The following NSUN7 variants were observed in gnomAD, a reference collection of about 807,000 sequenced individuals.
NSUN7 encodes protein NSUN7.
NSUN7 carries 39 observed loss-of-function variants against 58.5 expected under a neutral mutation model. The ratio of observed to expected loss-of-function variants is 0.67; its 90% CI spans 0.52 to 0.87. The LOEUF is 0.87. Ranked by LOEUF, NSUN7 falls within the 40% of genes least tolerant of loss-of-function variation. The pLI is 0.00. For missense variants in NSUN7, 765 were observed against 844.1 expected, an observed-to-expected ratio of 0.91 and a Z score of 1.16; for synonymous variants, 278 against 303.7, an observed-to-expected ratio of 0.92 and a Z score of 0.88.
chr4:40,793,635 G>A (rs1743196658), intron 8 of NSUN7, among the ~76,000 whole-genome samples: 1 of 152,164 alleles, frequency 6.6e-6, no homozygotes, highest in Non-Finnish European at 1.5e-5. Context: ...ATAATACAGA[G>A]TTTAAAAATT....
chr4:40,796,277 T>A (rs1009236904), intron 9 of NSUN7, among the ~76,000 whole-genome samples: 6 of 152,066 alleles, frequency 3.9e-5, no homozygotes, highest in Non-Finnish European at 7.4e-5. Context: ...TCACTTGTTA[T>A]AGTGAGCTGA....
chr4:40,768,647 G>T lies in NSUN7; in HGVS notation c.489-5618G>T, dbSNP rs547646953. On this transcript the variant is annotated intron_variant, in intron 4 of 11. Coordinates refer to ENST00000381782, the MANE Select transcript of NSUN7 (RefSeq NM_024677.6). ...CTCTTATACCCCTAAGCACCAACAT[G>T]TATCTTTTTCTTCACTTATTCGTGG... is the stretch of plus-strand genomic sequence containing the variant. 2.2e-4 allele frequency among the ~76,000 whole-genome samples: 33 copies of T among 152,230 alleles called. 1 individual carries two copies. Among genetic ancestry groups the T allele is most frequent in the Admixed American group, 3.9e-4 (6 of 15,288 alleles).
At chr4:40,806,542 T>C (rs541605180) in intron 10 of NSUN7, among the ~76,000 whole-genome samples, 62 of 152,176 alleles carry the variant, frequency 4.1e-4, no homozygotes, top group Non-Finnish European at 7.4e-4. Flanking sequence ...TGTACTTTCT[T>C]GAACACTATG....
chr4:40,757,725 TAC>T (rs33941131), intron 2 of NSUN7, among the ~76,000 whole-genome samples: 18,736 of 142,324 alleles, frequency 0.13, 1,353 homozygotes, highest in South Asian at 0.18. Context: ...TGTGTATATA[TAC>T]ACACACACAC....
At chr4:40,800,713 T>G (rs1743544615) in intron 10 of NSUN7, among the ~76,000 whole-genome samples, 1 of 152,250 alleles carries the variant, frequency 6.6e-6, no homozygotes, top group Non-Finnish European at 1.5e-5. Context: ...CATCGTAAGT[T>G]TAAATAGCTG....
intron 9 of NSUN7, among the ~76,000 whole-genome samples, chr4:40,795,078 G>T (rs538068569): frequency 6.6e-6 from 1 of 152,100 alleles, no homozygotes; most frequent in South Asian, 2.1e-4. Context: ...TATTAATTCC[G>T]TATATATTTA....
chr4:40,780,858 C>T (rs1222114276), intron 7 of NSUN7, among the ~76,000 whole-genome samples: 1 of 127,484 alleles, frequency 7.8e-6, no homozygotes, highest in African/African-American at 3.0e-5. Context: ...CTCGCTCTGT[C>T]GCCCAGGCTG....
chr4:40,762,733 A>C (rs1316545365), intron 4 of NSUN7: 3 of 152,216 alleles, frequency 2.0e-5, no homozygotes, highest in Non-Finnish European at 4.4e-5. Context: ...AATGAGAATG[A>C]CCACCTGAGT....
intron 9 of NSUN7, among the ~76,000 whole-genome samples, chr4:40,795,045 T>C (rs1743256827): frequency 1.3e-5 from 2 of 152,204 alleles, no homozygotes; most frequent in African/African-American, 2.4e-5. Flanking sequence ...AATCTAGATG[T>C]CTCTGAGAAA....
chr4:40,770,210 C>CAAAAAAAA (rs36059628), intron 4 of NSUN7, among the ~76,000 whole-genome samples: 1 of 94,768 alleles, frequency 1.1e-5, no homozygotes, highest in Non-Finnish European at 2.1e-5. Flanking sequence ...AACTCCATCT[C>CAAAAAAAA]AAAAAAAAAA....
At chr4:40,757,689 C>G (rs546701350) in intron 2 of NSUN7, among the ~76,000 whole-genome samples, 6 of 138,764 alleles carry the variant, frequency 4.3e-5, no homozygotes, top group African/African-American at 1.6e-4. Flanking sequence ...TATATACACA[C>G]TGTGTATATA....
chr4:40,792,579 G>A (rs545324865), intron 8 of NSUN7, among the ~76,000 whole-genome samples: 7 of 152,106 alleles, frequency 4.6e-5, no homozygotes, highest in South Asian at 4.1e-4. Flanking sequence ...GTGAAACCCC[G>A]TCTCTACTAA....
intron 10 of NSUN7, among the ~76,000 whole-genome samples, chr4:40,805,221 A>G (rs572292042): frequency 1.3e-5 from 2 of 152,184 alleles, no homozygotes; most frequent in Non-Finnish European, 2.9e-5. Context: ...AGTCAGATAT[A>G]TCTGGCATGG....
chr4:40,801,948 C>T lies in NSUN7; in HGVS notation c.1400+3044C>T, dbSNP rs555183733. Among the ~76,000 whole-genome samples, 3 of 150,266 alleles carry T rather than the reference C, an allele frequency of 2.0e-5. No homozygotes were observed. In the South Asian group the frequency reaches 6.3e-4, roughly 32 times the overall value. On this transcript the variant is annotated intron_variant, in intron 10 of 11. Coordinates refer to ENST00000381782, the MANE Select transcript of NSUN7 (RefSeq NM_024677.6). ...AAGAAAAGAAAAAGTAATCGCTTTA[C>T]AGCAATTTCTGTGTAGACATTTGTA...
At chr4:40,750,577 A>C (rs1424028116) in intron 1 of NSUN7, 26 bp from the exon 2 acceptor site, 5 of 1,217,070 alleles carry the variant, frequency 4.1e-6, no homozygotes, top group Non-Finnish European at 2.3e-6. Flanking sequence ...AGAGTGATTT[A>C]CTGCAATCAC....
chr4:40,787,818 G>A (rs1489973249), intron 7 of NSUN7, among the ~76,000 whole-genome samples: 1 of 152,108 alleles, frequency 6.6e-6, no homozygotes, highest in Non-Finnish European at 1.5e-5. Context: ...TGTCGATGAG[G>A]TTGCTCTTTC....
intron 2 of NSUN7, among the ~76,000 whole-genome samples, chr4:40,753,106 A>G (rs1740918854): frequency 6.6e-6 from 1 of 152,182 alleles, no homozygotes; most frequent in East Asian, 1.9e-4. Context: ...CTCCTAATGG[A>G]ATATTGAGTA....
chr4:40,771,613 T>A (rs563902176), intron 4 of NSUN7, among the ~76,000 whole-genome samples: 11 of 151,988 alleles, frequency 7.2e-5, no homozygotes, highest in African/African-American at 2.7e-4. Context: ...CAGGAAGAGT[T>A]GGTTCAGGTT....
chr4:40,798,592 G>A (rs1743421732), intron 9 of NSUN7, among the ~76,000 whole-genome samples, 195 bp from the exon 10 acceptor site: 1 of 152,156 alleles, frequency 6.6e-6, no homozygotes, highest in Non-Finnish European at 1.5e-5. Flanking sequence ...CAGTTAGAGT[G>A]ACTTTACTTA....
Sources: gnomAD v4.1 joint callset for allele counts (sites outside exome capture counted in the v4.1 genomes callset) on GRCh38, gnomAD v4.1.1 for gene constraint, MANE v1.5 for transcripts, NCBI Gene and HGNC (gene_info 2026-07-23, HGNC 2026-07-21) for gene names.